PPP2R5C: variants seen among roughly 807,000 people sequenced by gnomAD.
The protein encoded by PPP2R5C is serine/threonine-protein phosphatase 2A 56 kDa regulatory subunit gamma isoform.
Under a neutral mutation model 68.9 loss-of-function variants are expected in PPP2R5C, and 7 were observed. That is an observed-to-expected ratio of 0.10 (90% CI 0.06 to 0.19). PPP2R5C has a LOEUF of 0.19. Among genes scored for constraint, PPP2R5C ranks in the 10% least tolerant of loss-of-function variants. The pLI is 1.00. For missense variants in PPP2R5C, 348 were observed against 641.3 expected (o/e 0.54, Z 4.94); for synonymous variants, 210 against 222.2 (o/e 0.95, Z 0.49).
Position 101,775,421 on chromosome 14 carries a change from G to A in PPP2R5C, c.94-10597G>A, listed in dbSNP as rs114152950. 4.5e-3 allele frequency among the ~76,000 whole-genome samples: 686 copies of A among 152,298 alleles called. 5 individuals carry two copies. Among genetic ancestry groups the A allele is most frequent in the African/African-American group, 0.016 (648 of 41,552 alleles). The stretch of plus-strand genomic sequence containing the variant: ...ACTAATAGACTTCCATGTATCTGCT[G>A]CACAGATTGCCTTTTACTCCCAATA... On this transcript the variant is annotated intron_variant, in intron 2 of 14. Transcript: ENST00000328724.
intron 3 of PPP2R5C, among the ~76,000 whole-genome samples, chr14:101,802,862 A>C (rs2038924235): frequency 6.6e-6 from 1 of 151,888 alleles, no homozygotes; most frequent in Non-Finnish European, 1.5e-5. Context: ...CAATAAATGC[A>C]TGAAAAGATC....
rs368872417 is a variant in PPP2R5C at position 101,906,321 on chromosome 14, G to A, written c.1024-81G>A. Reference sequence around the variant, plus strand: ...TCTGGTCCAAGGTAGTTCATTACCCGACTCACAGGTTTAACAGCAAGGACA... The same window carrying A: ...TCTGGTCCAAGGTAGTTCATTACCCAACTCACAGGTTTAACAGCAAGGACA... On this transcript the variant is annotated intron_variant, in intron 9 of 13. Coordinates refer to ENST00000334743, the Ensembl canonical transcript of PPP2R5C. The surrounding 1 kb of genome is among the most constrained non-coding windows in gnomAD (Gnocchi z 4.0). 3.7e-5 allele frequency: 52 copies of A among 1,424,104 alleles called. No individual in the cohort carries two copies. The highest frequency in any genetic ancestry group is 2.6e-4 in the Middle Eastern group (1 of 3,796). 88.2% of individuals were successfully genotyped at this position (1,424,104 alleles called of 1,614,324 possible). A position where few individuals can be genotyped will look rare whatever the true frequency, so the allele number is the denominator to read the frequency against.
intron 11 of PPP2R5C, among the ~76,000 whole-genome samples, 172 bp downstream of exon 13, chr14:101,909,862 C>T: frequency 6.6e-6 from 1 of 152,144 alleles, no homozygotes; most frequent in East Asian, 1.9e-4. Flanking sequence ...TTTGAAAGAA[C>T]AGGTGTTTAA....
At chr14:101,878,097 C>A (rs1322387244) in intron 2 of PPP2R5C, among the ~76,000 whole-genome samples, 1 of 152,208 alleles carries the variant, frequency 6.6e-6, no homozygotes, top group Non-Finnish European at 1.5e-5. Flanking sequence ...CCTCCCATGG[C>A]CTTTGCTCCG....
At chr14:101,837,777 A>G (rs1451571556) in intron 1 of PPP2R5C, among the ~76,000 whole-genome samples, 4 of 152,208 alleles carry the variant, frequency 2.6e-5, no homozygotes, top group Non-Finnish European at 5.9e-5. Context: ...TGTTGAAAGC[A>G]CTATTCTAAG....
chr14:101,797,160 G>A lies in PPP2R5C; in HGVS notation c.259+10977G>A. ...AGCCTCTTAGAAGCGGAATCGTACA[G>A]TATCTGTCTTTCTGTGCCTGGCTTA... On this transcript the variant is annotated intron_variant, in intron 3 of 14. Coordinates refer to the PPP2R5C transcript ENST00000328724. This position sits in a 1 kb window ranked among gnomAD's most constrained non-coding sequence, Gnocchi z 4.2. 2.2e-6 allele frequency: 1 copy of A among 456,060 alleles called. No individual in the cohort carries two copies. The highest frequency in any genetic ancestry group is 4.4e-6 in the Non-Finnish European group (1 of 226,796). The allele number at this position is 456,060 out of a possible 1,614,324, so 28.3% of individuals were successfully genotyped here.
chr14:101,839,230 A>C (rs888387314), intron 1 of PPP2R5C: 1 of 151,688 alleles, frequency 6.6e-6, no homozygotes, highest in African/African-American at 2.4e-5. Context: ...CATGCCTGTA[A>C]TCCCAGCTGC....
At chr14:101,914,938 G>A (rs995601819) in intron 12 of PPP2R5C, among the ~76,000 whole-genome samples, 6 of 152,212 alleles carry the variant, frequency 3.9e-5, no homozygotes, top group African/African-American at 1.4e-4. Context: ...GTGGCTCAGT[G>A]TTTGCAACGA....
chr14:101,762,774 C>T, intron 1 of PPP2R5C, 131 bp from the exon 2 acceptor site: 1 of 752,700 alleles, frequency 1.3e-6, no homozygotes, highest in Non-Finnish European at 2.2e-6. Context: ...TATAGAATTT[C>T]CTAATGGTAT....
rs1201542065 is a variant in PPP2R5C, at chr14:101,825,619, G to A, written c.94+15583G>A. Among the ~76,000 whole-genome samples the A allele has an allele frequency of 6.6e-6, 1 of 152,162 alleles. No homozygotes were observed. The highest frequency in any genetic ancestry group is 2.4e-5 in the African/African-American group (1 of 41,428). On this transcript the variant is annotated intron_variant, in intron 1 of 13. Coordinates refer to ENST00000334743, the Ensembl canonical transcript of PPP2R5C. This position sits in a 1 kb window ranked among gnomAD's most constrained non-coding sequence, Gnocchi z 4.0. ...GGTGTCACTCCAATTCCATCATTCA[G>A]GTTTCACTGAACTTTCATGTTGGCA...
At chr14:101,853,408 G>A (rs574784446) in intron 1 of PPP2R5C, among the ~76,000 whole-genome samples, 100 of 152,242 alleles carry the variant, frequency 6.6e-4, no homozygotes, top group Admixed American at 9.8e-4. Flanking sequence ...TAGAAGAATT[G>A]AAATTCACTT....
At chr14:101,831,929 C>T in intron 1 of PPP2R5C, 2 of 555,346 alleles carry the variant, frequency 3.6e-6, no homozygotes, top group Non-Finnish European at 6.6e-6. Flanking sequence ...TATTATGATA[C>T]AGCTTTGAAG....
At chr14:101,922,656 GA>G (rs60017998) in intron 13 of PPP2R5C, among the ~76,000 whole-genome samples, 28,149 of 128,730 alleles carry the variant, frequency 0.22, 4,332 homozygotes, top group African/African-American at 0.45. Context: ...TCTAGAAAAA[GA>G]AAAAAAAAAA....
intron 3 of PPP2R5C, chr14:101,790,029 C>G (rs1387999304): frequency 6.6e-6 from 1 of 151,204 alleles, no homozygotes; most frequent in Non-Finnish European, 1.5e-5. Context: ...TTTGACTGTT[C>G]TGTTTGTGTT....
At chr14:101,802,998 T>C (rs1207790834) in intron 3 of PPP2R5C, among the ~76,000 whole-genome samples, 2 of 148,498 alleles carry the variant, frequency 1.3e-5, no homozygotes, top group Non-Finnish European at 3.0e-5. Flanking sequence ...GCAGATCACT[T>C]GAGCTCAAGA....
intron 1 of PPP2R5C, among the ~76,000 whole-genome samples, chr14:101,830,364 GGAT>G (rs2040663790): frequency 3.3e-5 from 5 of 152,212 alleles, no homozygotes. Context: ...CATTAACAAA[GGAT>G]GATCCATTCA....
At chr14:101,765,286 C>G in intron 2 of PPP2R5C, 1 of 702,572 alleles carries the variant, frequency 1.4e-6, no homozygotes, top group Non-Finnish European at 2.6e-6. Context: ...CTTGGCAGAT[C>G]ACTGTGTAAA....
chr14:101,853,731 T>A (rs1249478435), intron 1 of PPP2R5C, among the ~76,000 whole-genome samples: 1 of 152,164 alleles, frequency 6.6e-6, no homozygotes, highest in Non-Finnish European at 1.5e-5. Context: ...CTGTGTTGGC[T>A]CTCGTACCTG....
intron 2 of PPP2R5C, among the ~76,000 whole-genome samples, chr14:101,763,309 C>T (rs974146888): frequency 1.3e-4 from 20 of 150,642 alleles, no homozygotes; most frequent in Non-Finnish European, 2.5e-4. Flanking sequence ...TACCCCTTGC[C>T]GCCCAGGCTC....
Sources: allele counts gnomAD v4.1 joint callset (sites outside exome capture counted in the v4.1 genomes callset), GRCh38; gene constraint gnomAD v4.1.1; non-coding constraint Gnocchi (gnomAD v3.1); transcripts MANE v1.5; gene names NCBI Gene and HGNC (gene_info 2026-07-23, HGNC 2026-07-21).